The following EYS variants were observed in gnomAD, a reference collection of about 807,000 sequenced individuals.
EYS encodes the protein protein eyes shut homolog.
In EYS, 250 loss-of-function variants were observed where a neutral mutation model predicts 282.1. The observed-to-expected ratio is 0.89, with a 90% CI of 0.80 to 0.98. The LOEUF (loss-of-function observed/expected upper bound fraction) is 0.98, where lower values mean the gene tolerates loss of function less well. Among genes scored for constraint, EYS ranks in the 50% least tolerant of loss-of-function variants. The pLI is 0.00. For missense variants in EYS, 4,016 were observed against 3,709.0 expected (o/e 1.08, Z -2.15); for synonymous variants, 1,355 against 1,282.9 (o/e 1.06, Z -1.20).
intron 21 of EYS, among the ~76,000 whole-genome samples, chr6:64,814,417 T>C (rs1460876895): frequency 6.6e-6 from 1 of 152,052 alleles, no homozygotes; most frequent in African/African-American, 2.4e-5. Context: ...ACGTCATATG[T>C]GATCAGTAAA....
At chr6:65,333,468 T>C (rs1048947479) in intron 11 of EYS, among the ~76,000 whole-genome samples, 2 of 151,700 alleles carry the variant, frequency 1.3e-5, no homozygotes, top group Admixed American at 6.6e-5. Flanking sequence ...ATATGATCTA[T>C]CTTGGAGAGT....
chr6:64,306,970 C>T lies in EYS; in HGVS notation c.6191G>A (p.Arg2064Lys). 1 of 1,408,654 alleles carries T rather than the reference C, an allele frequency of 7.1e-7. No individual in the cohort carries two copies. The highest frequency in any genetic ancestry group is 9.8e-7 in the Non-Finnish European group (1 of 1,020,414). The allele number at this position is 1,408,654 out of a possible 1,614,324, so 87.3% of individuals were successfully genotyped here. The change falls in exon 30 of 43, where the codon AGA becomes AAA. Residue 2064 changes from arginine to lysine, a missense_variant and splice_region_variant. Arg to Lys is a conservative substitution (Grantham distance 26, BLOSUM62 2). Transcript: ENST00000503581. ...AVKNYHINNCRSQGFMLSPTA... is the reference protein window; with the variant it reads ...AVKNYHINNCKSQGFMLSPTA... ...AGAAAAATCACTACTGCTATTTTAC[C>T]TGCAATTGTTAATGTGATAGTTTTT... is the stretch of plus-strand genomic sequence containing the variant.
chr6:65,280,705 A>T (rs1241487281), intron 12 of EYS, among the ~76,000 whole-genome samples: 1 of 151,856 alleles, frequency 6.6e-6, no homozygotes, highest in Non-Finnish European at 1.5e-5. Flanking sequence ...TATGATATTA[A>T]TTCATCTGAT....
At chr6:64,989,326 A>T (rs1478237441) in intron 14 of EYS, among the ~76,000 whole-genome samples, 1 of 144,948 alleles carries the variant, frequency 6.9e-6, no homozygotes, top group East Asian at 2.0e-4. Flanking sequence ...GCCATAGATC[A>T]TTCTCTATCA....
rs1766666195 is a variant in EYS, at chr6:64,873,849, A to C, written c.2992+12848T>G. Among the ~76,000 whole-genome samples, 3 of 152,014 alleles carry C rather than the reference A, an allele frequency of 2.0e-5. No homozygotes were observed. The South Asian group carries it at 6.2e-4, about 31-fold the overall frequency. ...TCAATTAAAAATAAATAAATACATA[A>C]ATTTTACAAATGAAAAAATAAATGT... is the stretch of plus-strand genomic sequence containing the variant. On this transcript the variant is annotated intron_variant, in intron 19 of 42. Transcript: ENST00000503581.
At chr6:64,751,574 G>A (rs567562398) in intron 22 of EYS, among the ~76,000 whole-genome samples, 36 of 152,326 alleles carry the variant, frequency 2.4e-4, no homozygotes, top group African/African-American at 8.7e-4. Flanking sequence ...AGGCCACAGG[G>A]CATAGCACAG....
chr6:65,446,239 A>C (rs1768651916), intron 5 of EYS, among the ~76,000 whole-genome samples: 1 of 151,822 alleles, frequency 6.6e-6, no homozygotes, highest in African/African-American at 2.4e-5. Flanking sequence ...TTTTAGAAAA[A>C]ACAATAAAAT....
At chr6:63,903,383 A>G (rs575610348) in intron 35 of EYS, among the ~76,000 whole-genome samples, 1 of 152,354 alleles carries the variant, frequency 6.6e-6, no homozygotes, top group East Asian at 1.9e-4. Flanking sequence ...GGAATGAGTT[A>G]GACCTGACTG....
intron 22 of EYS, among the ~76,000 whole-genome samples, chr6:64,808,958 A>T (rs1364372813): frequency 1.3e-5 from 2 of 152,270 alleles, no homozygotes; most frequent in East Asian, 3.9e-4. Flanking sequence ...ATACTTGTGT[A>T]GTAATTTGAC....
At chr6:65,613,003 T>C (rs747939511) in intron 2 of EYS, among the ~76,000 whole-genome samples, 8 of 151,788 alleles carry the variant, frequency 5.3e-5, no homozygotes, top group Non-Finnish European at 1.0e-4. Context: ...AAAATAACAA[T>C]CTTAAAACTT....
chr6:64,252,689 T>C (rs1320845433), intron 30 of EYS, among the ~76,000 whole-genome samples: 1 of 152,200 alleles, frequency 6.6e-6, no homozygotes, highest in Non-Finnish European at 1.5e-5. Flanking sequence ...CTACTTTCCC[T>C]GATGGATGCT....
intron 29 of EYS, among the ~76,000 whole-genome samples, chr6:64,347,568 T>TA (rs1042904378): frequency 2.8e-5 from 4 of 144,638 alleles, no homozygotes; most frequent in African/African-American, 7.8e-5. Flanking sequence ...TCTATCTACT[T>TA]ATGCATATGT....
intron 29 of EYS, among the ~76,000 whole-genome samples, chr6:64,336,753 A>C (rs1770864624): frequency 6.6e-6 from 1 of 152,128 alleles, no homozygotes. Flanking sequence ...AAATTTAAGA[A>C]AATTGAAATT....
chr6:65,198,523 C>T (rs544889775), intron 12 of EYS, among the ~76,000 whole-genome samples: 5 of 152,006 alleles, frequency 3.3e-5, no homozygotes, highest in African/African-American at 1.2e-4. Flanking sequence ...CCTGCATCAC[C>T]ACAAACACAC....
chr6:64,118,641 G>T (rs1773469697), intron 31 of EYS, among the ~76,000 whole-genome samples: 1 of 152,044 alleles, frequency 6.6e-6, no homozygotes, highest in Admixed American at 6.6e-5. Flanking sequence ...TTTTAATGGA[G>T]AATAGCTCAA....
At chr6:65,089,557 T>C (rs1416738351) in intron 12 of EYS, among the ~76,000 whole-genome samples, 1 of 152,168 alleles carries the variant, frequency 6.6e-6, no homozygotes, top group African/African-American at 2.4e-5. Flanking sequence ...AGGAAGTAAC[T>C]AACTTGCTTT....
rs541004870 is a variant in EYS at position 64,391,073 on chromosome 6, G to T, written c.5928-2233C>A. ...AATGAAGCGAGAAGGGAAGTTTAGA[G>T]AAAAAAGAATAAAAAGAAAGGAGCA... On this transcript the variant is annotated intron_variant, in intron 28 of 42. Coordinates refer to ENST00000503581, the MANE Select transcript of EYS (RefSeq NM_001142800.2). Among the ~76,000 whole-genome samples the T allele has an allele frequency of 4.4e-4, 67 of 152,172 alleles. 1 individual carries two copies. Among genetic ancestry groups the T allele is most frequent in the Non-Finnish European group, 7.6e-4 (52 of 67,996 alleles).
intron 31 of EYS, among the ~76,000 whole-genome samples, chr6:64,097,635 T>A (rs1772675493): frequency 6.6e-6 from 1 of 152,116 alleles, no homozygotes; most frequent in African/African-American, 2.4e-5. Flanking sequence ...GACCCAATTT[T>A]CCAGGTGCCA....
intron 35 of EYS, among the ~76,000 whole-genome samples, chr6:63,968,528 T>C (rs1766411183): frequency 6.6e-6 from 1 of 152,112 alleles, no homozygotes. Context: ...AGAAAAGCAG[T>C]GTGGGAAGAT....
Sources: allele counts gnomAD v4.1 joint callset (sites outside exome capture counted in the v4.1 genomes callset), GRCh38; gene constraint gnomAD v4.1.1; transcripts MANE v1.5; gene names NCBI Gene and HGNC (gene_info 2026-07-23, HGNC 2026-07-21).